Variants in SYNPR observed in about 807,000 individuals in gnomAD.
SYNPR encodes the protein synaptoporin.
In SYNPR, 23 loss-of-function variants were observed where a neutral mutation model predicts 32.9. The observed-to-expected ratio is 0.70, with a 90% confidence interval of 0.50 to 0.99. SYNPR has a LOEUF of 0.99. SYNPR is among the 50% of genes least tolerant of loss of function. The pLI is 0.00. For missense variants in SYNPR, 318 were observed against 349.3 expected (o/e 0.91, Z 0.71); for synonymous variants, 146 against 135.9 (o/e 1.07, Z -0.52).
At chr3:63,515,571 C>T (rs1489893993) in intron 3 of SYNPR, among the ~76,000 whole-genome samples, 2 of 152,000 alleles carry the variant, frequency 1.3e-5, no homozygotes, top group African/African-American at 4.8e-5. Flanking sequence ...AGTTCTTTTC[C>T]CTATGTTGCC....
intron 3 of SYNPR, among the ~76,000 whole-genome samples, chr3:63,496,774 C>T (rs1449623871): frequency 6.6e-6 from 1 of 151,812 alleles, no homozygotes; most frequent in Non-Finnish European, 1.5e-5. Flanking sequence ...TATATCTAAT[C>T]ACTGGCATAC....
At chr3:63,272,308 A>C (rs1332879078) in intron 3 of SYNPR, among the ~76,000 whole-genome samples, 1 of 152,150 alleles carries the variant, frequency 6.6e-6, no homozygotes, top group Non-Finnish European at 1.5e-5. Flanking sequence ...GTGACTTCCC[A>C]AGGTCATACA....
Position 63,301,036 on chromosome 3 carries a change from G to A in SYNPR, c.84+22294G>A, listed in dbSNP as rs553179197. Among the ~76,000 whole-genome samples the A allele has an allele frequency of 6.6e-5, 10 of 152,214 alleles. No individual in the cohort carries two copies. In the South Asian group the frequency reaches 1.2e-3, roughly 19 times the overall value. The stretch of plus-strand genomic sequence containing the variant: ...ATTAAATGCAATGAAATATGATTTG[G>A]AAAAGAGAACTGGATTTGAAAATTC... On this transcript the variant is annotated intron_variant, in intron 2 of 5. Transcript: ENST00000478300.
At chr3:63,290,450 A>T (rs1393397040) in intron 2 of SYNPR, among the ~76,000 whole-genome samples, 1 of 152,198 alleles carries the variant, frequency 6.6e-6, no homozygotes, top group Non-Finnish European at 1.5e-5. Context: ...CTACTAATAG[A>T]CAAAGCAAAG....
At chr3:63,204,955 T>G in the SYNPR span, among the ~76,000 whole-genome samples, 5 of 152,194 alleles carry the variant, frequency 3.3e-5, no homozygotes, top group African/African-American at 4.8e-5. Context: ...CCCAAAGTGC[T>G]GAGATTACAG....
chr3:63,475,286 G>A lies in SYNPR; in HGVS notation c.85-5546G>A, dbSNP rs1308615274. 2.0e-5 allele frequency among the ~76,000 whole-genome samples: 3 copies of A among 152,150 alleles called. No homozygotes were observed. In the South Asian group the frequency reaches 6.2e-4, roughly 32 times the overall value. ...CATCTAAGACAGTAGTGAAATGAGAGTTCATTGCAGGTGATTTATTTTGGT... is the reference window on the plus strand; with the variant it reads ...CATCTAAGACAGTAGTGAAATGAGAATTCATTGCAGGTGATTTATTTTGGT... On this transcript the variant is annotated intron_variant, in intron 2 of 5. Transcript: ENST00000478300.
chr3:63,533,274 A>G lies in SYNPR; in HGVS notation c.210-23269A>G, dbSNP rs764730238. 6.8e-4 allele frequency among the ~76,000 whole-genome samples: 103 copies of G among 152,126 alleles called. 1 individual carries two copies. Among genetic ancestry groups the G allele is most frequent in the Non-Finnish European group, 9.1e-4 (62 of 68,028 alleles). Reference sequence around the variant, plus strand: ...ACCTCTATCATTATCAAATGTCACTATCTCCTCTTACACAAGGTCTTAATC... The same window carrying G: ...ACCTCTATCATTATCAAATGTCACTGTCTCCTCTTACACAAGGTCTTAATC... On this transcript the variant is annotated intron_variant, in intron 3 of 5. Transcript: ENST00000478300.
At chr3:63,316,730 T>C (rs1452208041) in intron 2 of SYNPR, among the ~76,000 whole-genome samples, 1 of 151,996 alleles carries the variant, frequency 6.6e-6, no homozygotes, top group Non-Finnish European at 1.5e-5. Context: ...TTCACTTTCA[T>C]TTAGTTCTGC....
chr3:63,516,190 C>G (rs1701796226), intron 3 of SYNPR, among the ~76,000 whole-genome samples: 1 of 152,120 alleles, frequency 6.6e-6, no homozygotes, highest in Admixed American at 6.6e-5. Flanking sequence ...ACATTGTGCT[C>G]ACTATCCTGC....
chr3:63,224,403 C>T (rs2086114042), upstream of SYNPR, among the ~76,000 whole-genome samples: 1 of 152,140 alleles, frequency 6.6e-6, no homozygotes, highest in Admixed American at 6.5e-5. Context: ...GAAACCAGTC[C>T]CTGATGCCAA....
At chr3:63,312,844 T>C (rs1338061463) in intron 2 of SYNPR, among the ~76,000 whole-genome samples, 3 of 152,014 alleles carry the variant, frequency 2.0e-5, no homozygotes. Context: ...GGACTCTTGC[T>C]CTTGTTCTGG....
chr3:63,614,670 C>T (rs1575738335), intron 5 of SYNPR, among the ~76,000 whole-genome samples: 2 of 152,326 alleles, frequency 1.3e-5, no homozygotes, highest in Non-Finnish European at 1.5e-5. Flanking sequence ...TTTTAATTGA[C>T]TCACTTTCTT....
At chr3:63,293,838 A>C (rs1440482063) in intron 2 of SYNPR, among the ~76,000 whole-genome samples, 2 of 152,010 alleles carry the variant, frequency 1.3e-5, no homozygotes, top group Non-Finnish European at 2.9e-5. Flanking sequence ...CGCCAGTCAT[A>C]TTGAATTAGG....
chr3:63,487,120 C>T lies in SYNPR; in HGVS notation c.209+6164C>T, dbSNP rs182713621. Among the ~76,000 whole-genome samples, 69 of 152,166 alleles carry T rather than the reference C, an allele frequency of 4.5e-4. No individual in the cohort carries two copies. In the South Asian group the frequency reaches 6.3e-3, roughly 14 times the overall value. On this transcript the variant is annotated intron_variant, in intron 3 of 5. Transcript: ENST00000478300. ...TATAAAGATTATGTCATAACCACTG[C>T]GTCAAAATGTTAACATACTTATTTC...
intron 2 of SYNPR, among the ~76,000 whole-genome samples, chr3:63,478,059 T>G (rs7621823): frequency 6.6e-6 from 1 of 152,126 alleles, no homozygotes; most frequent in African/African-American, 2.4e-5. Context: ...TGGAAGCCCA[T>G]AGGTATCATA....
intron 3 of SYNPR, among the ~76,000 whole-genome samples, chr3:63,552,043 G>GC (rs1397285522): frequency 1.3e-5 from 2 of 151,758 alleles, no homozygotes; most frequent in South Asian, 2.1e-4. Context: ...GATTACAGGT[G>GC]CCCGCCACCA....
chr3:63,206,497 G>A, the SYNPR span, among the ~76,000 whole-genome samples: 212 of 152,100 alleles, frequency 1.4e-3, no homozygotes, highest in African/African-American at 4.6e-3. Context: ...GGAGGCGGAG[G>A]TTGCAGTGAG....
intron 2 of SYNPR, among the ~76,000 whole-genome samples, chr3:63,457,003 G>T (rs1458009210): frequency 6.6e-6 from 1 of 152,048 alleles, no homozygotes; most frequent in Non-Finnish European, 1.5e-5. Flanking sequence ...TCTGACCTGG[G>T]CTGTCTTGTG....
rs57078088 is a variant in SYNPR at position 63,232,192 on chromosome 3, CTTTTTTTTTTTTT to C, written n.66+3827_66+3839del. 6.2e-3 allele frequency among the ~76,000 whole-genome samples: 368 copies of C among 59,554 alleles called. 4 individuals are homozygous for C. The highest frequency in any genetic ancestry group is 0.017 in the African/African-American group (273 of 16,324). The allele number at this position is 59,554 out of a possible 152,430, so 39.1% of individuals were successfully genotyped here. ...CTCAAGTGAGTATTTCAGATTCTGACTTTTTTTTTTTTTTTTTTTTTTTTTTTGAGACAGAGTC... is the reference window on the plus strand; with the variant it reads ...CTCAAGTGAGTATTTCAGATTCTGACTTTTTTTTTTTTTTGAGACAGAGTC... On this transcript the variant is annotated intron_variant and non_coding_transcript_variant, in intron 1 of 4. Transcript: ENST00000478456.
Sources: allele counts gnomAD v4.1 joint callset (sites outside exome capture counted in the v4.1 genomes callset), GRCh38; gene constraint gnomAD v4.1.1; transcripts MANE v1.5; gene names NCBI Gene and HGNC (gene_info 2026-07-23, HGNC 2026-07-21).